RNF19A: variants seen among roughly 807,000 people sequenced by gnomAD.
The protein encoded by RNF19A is E3 ubiquitin-protein ligase RNF19A.
RNF19A carries 32 observed loss-of-function variants against 75.7 expected under a neutral mutation model. The observed-to-expected ratio is 0.42, with a 90% CI of 0.32 to 0.57. The LOEUF (loss-of-function observed/expected upper bound fraction) is 0.57. Ranked by LOEUF, RNF19A falls within the 20% of genes least tolerant of loss-of-function variation. The probability of loss-of-function intolerance (pLI) is 0.10; values close to 1 mark genes in which losing one functional copy is unlikely to be tolerated. For synonymous variants in RNF19A, 335 were observed against 345.2 expected (o/e 0.97, Z 0.33); for missense variants, 782 against 1,036.3 (o/e 0.75, Z 3.37).
chr8:100,313,463 A>C (rs1453689470), upstream of RNF19A: 1 of 200,910 alleles, frequency 5.0e-6, no homozygotes, highest in Non-Finnish European at 8.6e-6. Context: ...CACTTGTCAA[A>C]TTCAAGGCAG....
intron 2 of RNF19A, among the ~76,000 whole-genome samples, chr8:100,283,215 G>GGCCTTAGCCAACTGAAACA (rs1820863444): frequency 1.3e-5 from 2 of 151,768 alleles, no homozygotes; most frequent in African/African-American, 4.8e-5. Context: ...TGGTAGCAGG[G>GGCCTTAGCCAACTGAAACA]TGGCCTTAGC....
intron 3 of RNF19A, among the ~76,000 whole-genome samples, chr8:100,270,805 C>T (rs923632024): frequency 6.6e-6 from 1 of 152,100 alleles, no homozygotes; most frequent in Admixed American, 6.5e-5. Flanking sequence ...ATTTACTCAA[C>T]TGTTGTTGGT....
intron 1 of RNF19A, among the ~76,000 whole-genome samples, chr8:100,319,931 G>T (rs899476367): frequency 4.0e-5 from 6 of 151,014 alleles, no homozygotes; most frequent in Admixed American, 2.6e-4. Context: ...TGCCTCCCGG[G>T]TTCAAGCAAT....
In RNF19A at chr8:100,307,808, C is replaced by T. The variant is rs957095804; in HGVS notation, c.-94+2059G>A. Among the ~76,000 whole-genome samples the T allele has an allele frequency of 3.3e-5, 5 of 152,204 alleles. No individual in the cohort carries two copies. The East Asian group carries it at 9.6e-4, about 29-fold the overall frequency. ...AGTGCATTTACTTTCCACCAAGATG[C>T]TAAGTATTTTATTTATTCATCCATT... On this transcript the variant is annotated intron_variant, in intron 1 of 9. Coordinates refer to ENST00000341084, the MANE Select transcript of RNF19A (RefSeq NM_183419.4).
intron 1 of RNF19A, among the ~76,000 whole-genome samples, chr8:100,327,119 C>A (rs748636742): frequency 1.4e-4 from 22 of 151,866 alleles, no homozygotes; most frequent in Non-Finnish European, 1.8e-4. Flanking sequence ...TTTGGTTTTT[C>A]TGTTTTTAAT....
At chr8:100,327,211 A>G (rs1586702866) in intron 1 of RNF19A, among the ~76,000 whole-genome samples, 1 of 143,228 alleles carries the variant, frequency 7.0e-6, no homozygotes, top group East Asian at 2.1e-4. Flanking sequence ...GTGTTTGAGT[A>G]TCTAGGAATT....
chr8:100,287,830 A>T lies in RNF19A; in HGVS notation c.345T>A (p.Ser115=). 6.2e-7 allele frequency: 1 copy of T among 1,614,216 alleles called. No individual in the cohort carries two copies. The highest frequency in any genetic ancestry group is 8.5e-7 in the Non-Finnish European group (1 of 1,180,024). Residue 115 remains serine (S), a synonymous_variant, in exon 2 of 10, where the codon TCT becomes TCA. Coordinates refer to ENST00000341084, the MANE Select transcript of RNF19A (RefSeq NM_183419.4). The surrounding 1 kb of genome is among the most constrained non-coding windows in gnomAD (Gnocchi z 4.1). Reference sequence around the variant, plus strand: ...TGCTGATGGAAGTTAATCCATTGTCAGAAGAGGTATTTGTAGAGAAAATGG... The same window carrying T: ...TGCTGATGGAAGTTAATCCATTGTCTGAAGAGGTATTTGTAGAGAAAATGG... ...KNSIFSTNTS[S]DNGLTSISKQ...
chr8:100,271,596 T>G (rs1373005383), intron 3 of RNF19A, among the ~76,000 whole-genome samples: 1 of 152,210 alleles, frequency 6.6e-6, no homozygotes, highest in African/African-American at 2.4e-5. Flanking sequence ...CCATTTATTC[T>G]TATGGTTCTA....
chr8:100,300,030 T>G (rs1276595279), intron 1 of RNF19A, among the ~76,000 whole-genome samples: 3 of 152,156 alleles, frequency 2.0e-5, no homozygotes, highest in African/African-American at 7.2e-5. Context: ...AGGTGTTTGG[T>G]AGAGATCCTA....
At chr8:100,288,792 G>T (rs187978746) in intron 1 of RNF19A, among the ~76,000 whole-genome samples, 3 of 152,298 alleles carry the variant, frequency 2.0e-5, no homozygotes, top group Non-Finnish European at 2.9e-5. Context: ...CAGGCGCGGT[G>T]GCTCACGCCT....
intron 1 of RNF19A, among the ~76,000 whole-genome samples, chr8:100,321,311 A>G (rs1018884710): frequency 6.6e-6 from 1 of 152,258 alleles, no homozygotes; most frequent in African/African-American, 2.4e-5. Flanking sequence ...CATTTCAACA[A>G]TGTTTCCAGC....
In RNF19A at chr8:100,257,224, G is replaced by A. The variant is rs1388247469; in HGVS notation, c.*1332C>T. 1 of 152,610 alleles carries A rather than the reference G, an allele frequency of 6.6e-6. No homozygotes were observed. The allele number at this position is 152,610 out of a possible 1,614,324, so 9.5% of individuals were successfully genotyped here. On this transcript the variant is annotated 3_prime_UTR_variant, in exon 10 of 10. Coordinates refer to ENST00000341084, the MANE Select transcript of RNF19A (RefSeq NM_183419.4). ...ATTAATGGACCTGGTAGGGAAAAGT[G>A]ATGGAAGAAGACTGCAGCCCATGGC...
At chr8:100,274,841 T>C (rs1345609247) in intron 3 of RNF19A, 112 bp downstream of exon 3, 5 of 811,952 alleles carry the variant, frequency 6.2e-6, no homozygotes, top group Non-Finnish European at 9.6e-6. Flanking sequence ...AGAAATGCAC[T>C]TAAAAACACT....
chr8:100,276,518 G>A (rs908890652), intron 2 of RNF19A, among the ~76,000 whole-genome samples: 1 of 151,954 alleles, frequency 6.6e-6, no homozygotes, highest in Non-Finnish European at 1.5e-5. Flanking sequence ...TTGTGGGGCC[G>A]AGGTGGGCAG....
rs779502580 is a variant in RNF19A, at chr8:100,288,000, C to T, written c.175G>A (p.Ala59Thr). 5.6e-6 allele frequency: 9 copies of T among 1,613,972 alleles called. No individual in the cohort carries two copies. In the East Asian group the frequency reaches 2.0e-4, roughly 36 times the overall value. The change falls in exon 2 of 10, where the codon GCA (alanine) becomes ACA (threonine). Residue 59 changes from alanine to threonine, a missense_variant. Physicochemically the swap from Ala to Thr is moderately conservative, Grantham distance 58. Transcript: ENST00000341084. The surrounding 1 kb of genome is among the most constrained non-coding windows in gnomAD (Gnocchi z 4.1). ...ATTGAAATTCTTCTTTTTTTGGGTGCCTTTTTGACTGAAGGCAAGCTCACA... is the reference window on the plus strand; with the variant it reads ...ATTGAAATTCTTCTTTTTTTGGGTGTCTTTTTGACTGAAGGCAAGCTCACA... Reference protein sequence around the residue: ...SSVSLPSVKKAPKKRRISIGS... With the variant: ...SSVSLPSVKKTPKKRRISIGS...
intron 3 of RNF19A, among the ~76,000 whole-genome samples, chr8:100,270,299 T>C (rs779599438): frequency 3.3e-5 from 5 of 152,146 alleles, no homozygotes; most frequent in Non-Finnish European, 7.4e-5. Flanking sequence ...AGGACAGCTC[T>C]AGGCAAATTG....
At chr8:100,327,202 T>C (rs183405616) in intron 1 of RNF19A, among the ~76,000 whole-genome samples, 1 of 151,726 alleles carries the variant, frequency 6.6e-6, no homozygotes, top group East Asian at 1.9e-4. Flanking sequence ...TAAGGAAGAG[T>C]GTTTGAGTAT....
At chr8:100,296,743 G>A (rs947035232) in intron 1 of RNF19A, among the ~76,000 whole-genome samples, 1 of 152,072 alleles carries the variant, frequency 6.6e-6, no homozygotes, top group Non-Finnish European at 1.5e-5. Flanking sequence ...TCCTACTCTC[G>A]CTATTTACAT....
intron 1 of RNF19A, among the ~76,000 whole-genome samples, chr8:100,320,411 T>C (rs1170449077): frequency 1.3e-5 from 2 of 152,246 alleles, no homozygotes; most frequent in Non-Finnish European, 2.9e-5. Flanking sequence ...TTCTTGCTCA[T>C]GCAGGAGAGT....
Sources: gnomAD v4.1 joint callset for allele counts (sites outside exome capture counted in the v4.1 genomes callset) on GRCh38, gnomAD v4.1.1 for gene constraint, Gnocchi (gnomAD v3.1) non-coding constraint, MANE v1.5 for transcripts, NCBI Gene and HGNC (gene_info 2026-07-23, HGNC 2026-07-21) for gene names.